The following SCHIP1 variants were observed in gnomAD, a reference collection of about 807,000 sequenced individuals.
The protein encoded by SCHIP1 is schwannomin interacting protein 1, also known as schwannomin-interacting protein 1.
In SCHIP1, 8 loss-of-function variants were observed where a neutral mutation model predicts 29.7. That is an observed-to-expected ratio of 0.27 (90% CI 0.16 to 0.49). The LOEUF is 0.49. SCHIP1 is among the 20% of genes least tolerant of loss of function. The pLI, the probability that SCHIP1 is intolerant of heterozygous loss-of-function variation, is 0.99. For synonymous variants in SCHIP1, 76 were observed against 94.9 expected, an observed-to-expected ratio of 0.80 and a Z score of 1.16; for missense variants, 193 against 294.6, an observed-to-expected ratio of 0.66 and a Z score of 2.52.
chr3:159,662,619 G>T, the SCHIP1 span, among the ~76,000 whole-genome samples: 1 of 152,096 alleles, frequency 6.6e-6, no homozygotes, highest in Non-Finnish European at 1.5e-5. Flanking sequence ...TTCTTGGGGG[G>T]AAAGAACAAG....
chr3:159,468,140 C>T, the SCHIP1 span, among the ~76,000 whole-genome samples: 1 of 152,030 alleles, frequency 6.6e-6, no homozygotes, highest in Non-Finnish European at 1.5e-5. Context: ...TCATAGTAGG[C>T]TGGATTTAAT....
chr3:159,364,793 T>G, the SCHIP1 span, among the ~76,000 whole-genome samples: 1 of 152,240 alleles, frequency 6.6e-6, no homozygotes, highest in Non-Finnish European at 1.5e-5. Context: ...ATCCCTGCAT[T>G]ATGTGGGAAT....
upstream of SCHIP1, among the ~76,000 whole-genome samples, chr3:159,835,057 G>A (rs1350412779): frequency 1.3e-5 from 2 of 152,118 alleles, no homozygotes; most frequent in Non-Finnish European, 2.9e-5. Context: ...TCATTGCCCA[G>A]TAAAGAAGTA....
the SCHIP1 span, among the ~76,000 whole-genome samples, chr3:159,663,599 A>G: frequency 6.6e-6 from 1 of 152,190 alleles, no homozygotes; most frequent in African/African-American, 2.4e-5. Context: ...TGTTTTGTGA[A>G]GATTAAATGA....
chr3:159,562,679 T>G, the SCHIP1 span, among the ~76,000 whole-genome samples: 1 of 152,220 alleles, frequency 6.6e-6, no homozygotes, highest in Non-Finnish European at 1.5e-5. Flanking sequence ...ATAAAGTTTT[T>G]GTAAGTTGCC....
chr3:159,844,801 AC>A (rs1450966616), intron 1 of SCHIP1, among the ~76,000 whole-genome samples: 6 of 152,198 alleles, frequency 3.9e-5, no homozygotes, highest in Admixed American at 3.3e-4. Context: ...ATGCTTTCAT[AC>A]CTTTCTTGCC....
chr3:159,286,695 G>A, the SCHIP1 span, among the ~76,000 whole-genome samples: 2 of 152,184 alleles, frequency 1.3e-5, no homozygotes, highest in Non-Finnish European at 1.5e-5. Flanking sequence ...TACCAGCAGT[G>A]TGTAAGTGTT....
the SCHIP1 span, among the ~76,000 whole-genome samples, chr3:159,384,343 C>T: frequency 6.6e-6 from 1 of 151,940 alleles, no homozygotes; most frequent in Non-Finnish European, 1.5e-5. Flanking sequence ...TGTCAAAGGC[C>T]TTTTCTGCAT....
chr3:159,557,147 C>T, the SCHIP1 span, among the ~76,000 whole-genome samples: 1 of 151,414 alleles, frequency 6.6e-6, no homozygotes, highest in East Asian at 1.9e-4. Flanking sequence ...TTAGTAGAGA[C>T]GAGGTTTCAC....
intron 6 of SCHIP1, among the ~76,000 whole-genome samples, 195 bp from the exon 8 acceptor site, chr3:159,896,528 T>A (rs1182317337): frequency 6.6e-6 from 1 of 152,232 alleles, no homozygotes; most frequent in African/African-American, 2.4e-5. Context: ...ATAAAAGGAA[T>A]CATACACAAT....
At chr3:159,580,444 T>C in the SCHIP1 span, among the ~76,000 whole-genome samples, 1 of 152,182 alleles carries the variant, frequency 6.6e-6, no homozygotes, top group Admixed American at 6.6e-5. Context: ...GTGAGGCCAG[T>C]GCATGCGTGA....
chr3:159,547,226 AGT>A, the SCHIP1 span, among the ~76,000 whole-genome samples: 1 of 152,096 alleles, frequency 6.6e-6, no homozygotes, highest in Admixed American at 6.5e-5. Flanking sequence ...TCTTTTGCAA[AGT>A]GTCTGTTCAT....
chr3:159,492,692 G>A, the SCHIP1 span, among the ~76,000 whole-genome samples: 1 of 152,184 alleles, frequency 6.6e-6, no homozygotes, highest in Non-Finnish European at 1.5e-5. Context: ...ATATTATCCA[G>A]GAGAACTTCC....
the SCHIP1 span, among the ~76,000 whole-genome samples, chr3:159,399,790 C>A: frequency 1.3e-5 from 2 of 152,160 alleles, no homozygotes; most frequent in African/African-American, 4.8e-5. Flanking sequence ...AATCTTATTT[C>A]TTCAGCCTCC....
At chr3:159,754,716 A>G in the SCHIP1 span, among the ~76,000 whole-genome samples, 16 of 152,218 alleles carry the variant, frequency 1.1e-4, no homozygotes, top group African/African-American at 3.9e-4. Flanking sequence ...ACAAGTATAA[A>G]GCAGGACCAT....
chr3:159,864,676 C>G (rs74581833), intron 1 of SCHIP1, among the ~76,000 whole-genome samples: 1 of 152,080 alleles, frequency 6.6e-6, no homozygotes, highest in African/African-American at 2.4e-5. Context: ...GATGAGGTTT[C>G]TTTGAACTAG....
chr3:159,716,270 C>A, the SCHIP1 span, among the ~76,000 whole-genome samples: 2 of 152,306 alleles, frequency 1.3e-5, no homozygotes, highest in Non-Finnish European at 1.5e-5. Context: ...TGGAAAGGAA[C>A]AACTGGTATC....
chr3:159,522,589 G>A, the SCHIP1 span, among the ~76,000 whole-genome samples: 14 of 152,168 alleles, frequency 9.2e-5, no homozygotes, highest in Non-Finnish European at 5.9e-5. Flanking sequence ...CAGCACTGTG[G>A]GCCAGGCACA....
chr3:159,342,872 C>T, the SCHIP1 span, among the ~76,000 whole-genome samples: 2 of 151,508 alleles, frequency 1.3e-5, no homozygotes, highest in African/African-American at 2.4e-5. Context: ...TTTTTAATAC[C>T]CATTGTTTAT....
Sources: gnomAD v4.1 joint callset for allele counts (sites outside exome capture counted in the v4.1 genomes callset) on GRCh38, gnomAD v4.1.1 for gene constraint, MANE v1.5 for transcripts, NCBI Gene and HGNC (gene_info 2026-07-23, HGNC 2026-07-21) for gene names.